Variants in DIS3L observed in about 807,000 individuals in gnomAD.
DIS3L encodes the protein DIS3-like exonuclease 1.
Under a neutral mutation model 120.3 loss-of-function variants are expected in DIS3L, and 100 were observed. That is an observed-to-expected ratio of 0.83 (90% CI 0.71 to 0.98). The LOEUF (loss-of-function observed/expected upper bound fraction) is 0.98. DIS3L is among the 50% of genes least tolerant of loss of function. The pLI is 0.00. For missense variants in DIS3L, 1,196 were observed against 1,314.2 expected (o/e 0.91, Z 1.39); for synonymous variants, 426 against 470.6 (o/e 0.91, Z 1.23).
chr15:66,295,177 A>G (rs1255285798), intron 2 of DIS3L, 36 bp downstream of exon 2: 1 of 1,590,324 alleles, frequency 6.3e-7, no homozygotes, highest in South Asian at 1.1e-5. Flanking sequence ...TATATGGCAT[A>G]GGTTCCCCCC....
At chr15:66,308,886 A>G (rs922977885) in intron 4 of DIS3L, 42 bp downstream of exon 4, 2 of 1,582,394 alleles carry the variant, frequency 1.3e-6, no homozygotes. Flanking sequence ...TCATTTTCTA[A>G]GTAGTACCCA....
Position 66,309,094 on chromosome 15 carries a change from A to AAAAAAAAAAAAAATATATATATATAT in DIS3L, c.558+251_558+252insAAAAAAAAAAAATATATATATATATA. Reference sequence around the variant, plus strand: ...CTTGTCTCTACAGAAAAAAAAAAAAAATATATATATCTCCAAGCATGGTGG... The same window carrying AAAAAAAAAAAAAATATATATATATAT: ...CTTGTCTCTACAGAAAAAAAAAAAAAAAAAAAAAAAAAATATATATATATATATATATATATCTCCAAGCATGGTGG... On this transcript the variant is annotated intron_variant, in intron 4 of 16. Transcript: ENST00000319212. 1.3e-4 allele frequency among the ~76,000 whole-genome samples: 2 copies of AAAAAAAAAAAAAATATATATATATAT among 15,320 alleles called. 1 individual carries two copies. Among genetic ancestry groups the AAAAAAAAAAAAAATATATATATATAT allele is most frequent in the Non-Finnish European group, 2.4e-4 (2 of 8,310 alleles). The allele number at this position is 15,320 out of a possible 152,430, so 10.1% of individuals were successfully genotyped here. A position where few individuals can be genotyped will look rare whatever the true frequency, so the allele number is the denominator to read the frequency against.
chr15:66,316,392 C>T (rs563278391), intron 7 of DIS3L, among the ~76,000 whole-genome samples: 3 of 152,138 alleles, frequency 2.0e-5, no homozygotes, highest in Non-Finnish European at 4.4e-5. Flanking sequence ...ATACTTCCCC[C>T]ACAGCTCTCC....
chr15:66,310,259 A>T (rs1186692962), intron 4 of DIS3L, among the ~76,000 whole-genome samples: 1 of 152,202 alleles, frequency 6.6e-6, no homozygotes, highest in East Asian at 1.9e-4. Flanking sequence ...CATGCCAGAG[A>T]ATTCCAGGGG....
At chr15:66,293,828 C>T in intron 1 of DIS3L, 93 bp downstream of exon 1, 5 of 1,041,854 alleles carry the variant, frequency 4.8e-6, no homozygotes, top group Non-Finnish European at 5.8e-6. Context: ...GCGCCAGCGG[C>T]GGGGACACGG....
At position 66,332,817 on chromosome 15, in the gene DIS3L, G is replaced by A; in HGVS notation, c.2763G>A (p.Trp921Ter). The A allele has an allele frequency of 1.2e-6, 2 of 1,613,974 alleles. No homozygotes were observed. Among genetic ancestry groups the A allele is most frequent in the Non-Finnish European group, 1.7e-6 (2 of 1,179,968 alleles). ...ISCGPDSCSE[W>*]KPGSLQRFQN... ...GTGGCCCAGATAGCTGTTCTGAATG[G>A]AAACCAGGATCCCTTCAACGATTTC... is the stretch of plus-strand genomic sequence containing the variant. The change falls in exon 16 of 17, where the codon TGG becomes TGA. Residue 921 changes from tryptophan (W) to a stop codon, truncating the protein, a stop_gained. Transcript: ENST00000319212. LOFTEE classifies it high-confidence loss of function.
chr15:66,328,623 T>C (rs1166884912), intron 12 of DIS3L, among the ~76,000 whole-genome samples: 4 of 152,200 alleles, frequency 2.6e-5, no homozygotes, highest in African/African-American at 9.7e-5. Context: ...ACCAAGTCCA[T>C]TATTTTACCT....
At chr15:66,310,270 C>T (rs376805981) in intron 4 of DIS3L, among the ~76,000 whole-genome samples, 4 of 152,094 alleles carry the variant, frequency 2.6e-5, no homozygotes, top group Non-Finnish European at 4.4e-5. Context: ...ATTCCAGGGG[C>T]GCTGGATATT....
chr15:66,318,511 G>T lies in DIS3L; in HGVS notation c.1057G>T (p.Glu353Ter). ...RDYVVTFPSKEEVQSQGKNAQ... is the reference protein window; with the variant it reads ...RDYVVTFPSK ...TTATGTGGTGACATTTCCGTCCAAAGAAGAGGTCCAATCTCAGGGCAAAAA... is the reference window on the plus strand; with the variant it reads ...TTATGTGGTGACATTTCCGTCCAAATAAGAGGTCCAATCTCAGGGCAAAAA... The change falls in exon 8 of 17, where the codon GAA becomes TAA. Residue 353 changes from glutamate to a stop codon, truncating the protein, a stop_gained. Transcript: ENST00000319212. LOFTEE classifies it high-confidence loss of function. 1 of 1,614,066 alleles carries T rather than the reference G, an allele frequency of 6.2e-7. No homozygotes were observed. Among genetic ancestry groups the T allele is most frequent in the Non-Finnish European group, 8.5e-7 (1 of 1,180,024 alleles).
rs116563991 is a variant in DIS3L at position 66,329,306 on chromosome 15, C to T, written c.2442C>T (p.Ala814=). ...DIVVHRLLMA[A]ISKDKKMEIK... is the part of the protein sequence containing the mutation. The stretch of plus-strand genomic sequence containing the variant: ...TAGTACACCGCTTGTTAATGGCAGC[C>T]ATTTCAAAAGATAAGAAAATGGAAA... Residue 814 remains alanine, a synonymous_variant, in exon 14 of 17, where the codon GCC becomes GCT. Transcript: ENST00000319212. 1.7e-3 allele frequency: 2,705 copies of T among 1,613,960 alleles called. 35 individuals are homozygous for T. The African/African-American group carries it at 0.031, about 19-fold the overall frequency.
intron 11 of DIS3L, among the ~76,000 whole-genome samples, chr15:66,325,306 A>C (rs1162166912): frequency 6.6e-6 from 1 of 152,162 alleles, no homozygotes; most frequent in Non-Finnish European, 1.5e-5. Flanking sequence ...AGGCAGGAGA[A>C]TCACTTGAAC....
At chr15:66,308,039 A>T (rs1250391187) in intron 3 of DIS3L, among the ~76,000 whole-genome samples, 1 of 152,074 alleles carries the variant, frequency 6.6e-6, no homozygotes, top group Non-Finnish European at 1.5e-5. Flanking sequence ...AGGGATGGTG[A>T]TGTGCACCTG....
At position 66,315,122 on chromosome 15, in the gene DIS3L, A is replaced by T; in HGVS notation, c.901A>T (p.Lys301Ter). ...GDVVVVELLPKNEWKGRTVAL... is the reference protein window; with the variant it reads ...GDVVVVELLP ...TGTGGTAGTTGTGGAGCTGCTTCCT[A>T]AAAATGAATGGAAAGGAAGAACCGT... Residue 301 changes from lysine (K) to a stop codon, truncating the protein, a stop_gained, in exon 7 of 17, where the codon AAA becomes TAA. Transcript: ENST00000319212. LOFTEE classifies it high-confidence loss of function. 6.2e-7 allele frequency: 1 copy of T among 1,614,060 alleles called. No individual in the cohort carries two copies.
At chr15:66,332,111 T>C in intron 15 of DIS3L, 91 bp downstream of exon 15, 1 of 1,245,792 alleles carries the variant, frequency 8.0e-7, no homozygotes, top group East Asian at 2.6e-5. Flanking sequence ...ATTAAAATAT[T>C]TAAGCAACTA....
chr15:66,323,540 C>T lies in DIS3L; in HGVS notation c.1622C>T (p.Ser541Phe), dbSNP rs1460010367. The change falls in exon 11 of 17, where the codon TCC becomes TTC. Residue 541 changes from serine (S) to phenylalanine (F), a missense_variant. Transcript: ENST00000319212. ...LADRRYDMLP[S>F]VLSADLCSLL... ...GATCGTCGCTATGACATGCTGCCTT[C>T]CGTCCTCAGTGCAGATTTGTGTTCC... 1.2e-6 allele frequency: 2 copies of T among 1,614,260 alleles called. No homozygotes were observed. The highest frequency in any genetic ancestry group is 2.2e-5 in the South Asian group (2 of 91,090).
At chr15:66,326,419 A>G (rs767368988) in intron 12 of DIS3L, 55 bp downstream of exon 12, 55 of 1,532,514 alleles carry the variant, frequency 3.6e-5, no homozygotes, top group Non-Finnish European at 4.6e-5. Context: ...ATATTTAGTT[A>G]TCTTACAGTT....
At chr15:66,298,879 G>A (rs1463896446) in intron 2 of DIS3L, among the ~76,000 whole-genome samples, 2 of 152,302 alleles carry the variant, frequency 1.3e-5, no homozygotes, top group Non-Finnish European at 2.9e-5. Context: ...GTACAGTGGC[G>A]AACCAAAGCA....
At position 66,293,581 on chromosome 15, in the gene DIS3L, C is replaced by T. The variant is rs907220653; in HGVS notation, c.-16C>T. 5 of 1,424,162 alleles carry T rather than the reference C, an allele frequency of 3.5e-6. No homozygotes were observed. The highest frequency in any genetic ancestry group is 1.3e-5 in the South Asian group (1 of 74,620). 88.2% of individuals were successfully genotyped at this position (1,424,162 alleles called of 1,614,324 possible). Reference sequence around the variant, plus strand: ...GCCGCGCCCGCCACTCCGCGGCCGCCGGGAGACACGCCGCCATGCTGCAGA... The same window carrying T: ...GCCGCGCCCGCCACTCCGCGGCCGCTGGGAGACACGCCGCCATGCTGCAGA... On this transcript the variant is annotated 5_prime_UTR_variant, in exon 1 of 17. Transcript: ENST00000319212.
At chr15:66,330,831 A>G (rs899204006) in intron 14 of DIS3L, among the ~76,000 whole-genome samples, 2 of 152,214 alleles carry the variant, frequency 1.3e-5, no homozygotes, top group African/African-American at 4.8e-5. Flanking sequence ...TAGAAATGGA[A>G]TTGCTGAGCC....
Sources: gnomAD v4.1 joint callset for allele counts (sites outside exome capture counted in the v4.1 genomes callset) on GRCh38, gnomAD v4.1.1 for gene constraint, MANE v1.5 for transcripts, NCBI Gene and HGNC (gene_info 2026-07-23, HGNC 2026-07-21) for gene names.